The following NDUFS1 variants were observed in gnomAD, a reference collection of about 807,000 sequenced individuals.
The protein encoded by NDUFS1 is NADH:ubiquinone oxidoreductase core subunit S1.
Under a neutral mutation model 84.4 loss-of-function variants are expected in NDUFS1, and 61 were observed. The observed-to-expected ratio is 0.72, with a 90% CI of 0.59 to 0.89. The LOEUF (loss-of-function observed/expected upper bound fraction) is 0.89, where lower values mean the gene tolerates loss of function less well. Ranked by LOEUF, NDUFS1 falls within the 40% of genes least tolerant of loss-of-function variation. The pLI, the probability that NDUFS1 is intolerant of heterozygous loss-of-function variation, is 0.00. For missense variants in NDUFS1, 891 were observed against 890.0 expected, an observed-to-expected ratio of 1.00 and a Z score of -0.01; for synonymous variants, 275 against 290.0, an observed-to-expected ratio of 0.95 and a Z score of 0.53.
chr2:206,117,199 A>C lies in NDUFS1; in HGVS notation c.*6986T>G, dbSNP rs1690969864. The C allele has an allele frequency of 6.6e-6, 1 of 152,200 alleles. No homozygotes were observed. Among genetic ancestry groups the C allele is most frequent in the African/African-American group, 2.4e-5 (1 of 41,424 alleles). The allele number at this position is 152,200 out of a possible 1,614,324, so 9.4% of individuals were successfully genotyped here. A position where few individuals can be genotyped will look rare whatever the true frequency, so the allele number is the denominator to read the frequency against. ...ACAGAGTTGCCTCAATCAGTCAATCAATCAACCCATCACCCAGTCTGTGAT... is the reference window on the plus strand; with the variant it reads ...ACAGAGTTGCCTCAATCAGTCAATCCATCAACCCATCACCCAGTCTGTGAT... On this transcript the variant is annotated 3_prime_UTR_variant, in exon 19 of 19. Coordinates refer to ENST00000233190, the MANE Select transcript of NDUFS1 (RefSeq NM_005006.7).
chr2:206,144,190 C>G, intron 9 of NDUFS1, 58 bp from the exon 10 acceptor site: 1 of 1,271,242 alleles, frequency 7.9e-7, no homozygotes, highest in South Asian at 1.2e-5. Flanking sequence ...CTATAATTTT[C>G]AAGTTAAATC....
chr2:206,149,043 G>C lies in NDUFS1; in HGVS notation c.315C>G (p.Asn105Lys), dbSNP rs773634794. 1.2e-6 allele frequency: 2 copies of C among 1,612,666 alleles called. No individual in the cohort carries two copies. The highest frequency in any genetic ancestry group is 8.5e-7 in the Non-Finnish European group (1 of 1,179,350). The change falls in exon 5 of 19, where the codon AAC (asparagine) becomes AAG (lysine). Residue 105 changes from asparagine (N) to lysine (K), a missense_variant. Physicochemically the swap from Asn to Lys is moderately conservative, Grantham distance 94 (BLOSUM62 0). Coordinates refer to ENST00000233190, the MANE Select transcript of NDUFS1 (RefSeq NM_005006.7). ...PVMKGWNILT[N>K]SEKSKKAREG... ...ACCTGGCTTTTTTGGATTTTTCTGA[G>C]TTTGTTAGGATATTCCAACCCTTCA...
At chr2:206,137,889 T>C (rs1195815874) in intron 13 of NDUFS1, among the ~76,000 whole-genome samples, 1 of 152,228 alleles carries the variant, frequency 6.6e-6, no homozygotes, top group Non-Finnish European at 1.5e-5. Flanking sequence ...TGATTTCTTT[T>C]CAGATAATTT....
chr2:206,128,456 G>A (rs1008128159), intron 15 of NDUFS1, among the ~76,000 whole-genome samples: 4 of 150,548 alleles, frequency 2.7e-5, no homozygotes, highest in Admixed American at 1.3e-4. Flanking sequence ...ATGAGCCACC[G>A]CGCCCGGCCC....
chr2:206,152,369 T>C, intron 3 of NDUFS1, 50 bp downstream of exon 3: 1 of 1,418,940 alleles, frequency 7.0e-7, no homozygotes. Flanking sequence ...AAATTAGTAT[T>C]TTTAAAAAAA....
chr2:206,142,157 T>C (rs1175421398), intron 11 of NDUFS1, 88 bp from the exon 12 acceptor site: 65 of 1,208,940 alleles, frequency 5.4e-5, no homozygotes, highest in African/African-American at 7.8e-5. Flanking sequence ...ATCAAACCCA[T>C]TGCCTTCTCA....
intron 10 of NDUFS1, 82 bp from the exon 11 acceptor site, chr2:206,142,913 A>G: frequency 1.3e-6 from 2 of 1,548,760 alleles, no homozygotes; most frequent in Non-Finnish European, 1.8e-6. Context: ...ATAAAACAGT[A>G]CTTGTTTTCA....
chr2:206,128,131 C>T (rs1338890652), intron 15 of NDUFS1, among the ~76,000 whole-genome samples, 159 bp from the exon 16 acceptor site: 7 of 151,922 alleles, frequency 4.6e-5, no homozygotes, highest in African/African-American at 1.2e-4. Flanking sequence ...AATTAAAGCC[C>T]ACCTCAACCC....
rs1035889974 is a variant in NDUFS1, at chr2:206,149,934, A to C, written c.154-9T>G. Reference sequence around the variant, plus strand: ...CCAACCTTCTCACAAGCCTAGAAGTAAAAAAAAAAAAAAAAAAAAAAAAAG... The same window carrying C: ...CCAACCTTCTCACAAGCCTAGAAGTCAAAAAAAAAAAAAAAAAAAAAAAAG... On this transcript the variant is annotated splice_polypyrimidine_tract_variant and intron_variant, in intron 3 of 18. Transcript: ENST00000233190. 3 of 68,790 alleles carry C rather than the reference A, an allele frequency of 4.4e-5. No individual in the cohort carries two copies. Among genetic ancestry groups the C allele is most frequent in the Non-Finnish European group, 8.4e-5 (3 of 35,788 alleles). 4.3% of individuals were successfully genotyped at this position (68,790 alleles called of 1,614,324 possible).
At chr2:206,137,553 AACAAAAGGC>A (rs1377495054) in intron 13 of NDUFS1, among the ~76,000 whole-genome samples, 1 of 152,086 alleles carries the variant, frequency 6.6e-6, no homozygotes, top group Non-Finnish European at 1.5e-5. Flanking sequence ...CTTCTTCACT[AACAAAAGGC>A]AGTGTCTATA....
rs35336229 is a variant in NDUFS1, at chr2:206,115,546, A to AT, written c.*8638dup. On this transcript the variant is annotated 3_prime_UTR_variant, in exon 19 of 19. Coordinates refer to ENST00000233190, the MANE Select transcript of NDUFS1 (RefSeq NM_005006.7). ...TGGCCTCCAGAATTGTAAGAAGTAA[A>AT]TTTTTTTTTTTTTTAACGAAGAAGT... The AT allele has an allele frequency of 0.066, 11,185 of 168,228 alleles. 362 individuals are homozygous for AT. Among genetic ancestry groups the AT allele is most frequent in the African/African-American group, 0.12 (4,826 of 40,478 alleles). 10.4% of individuals were successfully genotyped at this position (168,228 alleles called of 1,614,324 possible). A position where few individuals can be genotyped will look rare whatever the true frequency, so the allele number is the denominator to read the frequency against.
At position 206,115,663 on chromosome 2, in the gene NDUFS1, G is replaced by C; in HGVS notation, c.*8522C>G. 2.7e-6 allele frequency: 1 copy of C among 369,484 alleles called. No individual in the cohort carries two copies. Among genetic ancestry groups the C allele is most frequent in the East Asian group, 7.8e-5 (1 of 12,838 alleles). 22.9% of individuals were successfully genotyped at this position (369,484 alleles called of 1,614,324 possible). A position where few individuals can be genotyped will look rare whatever the true frequency, so the allele number is the denominator to read the frequency against. ...TGTATTGCAAAATTAAGATAGTGTT[G>C]TTCTTCATCTGACACTGTACAAGCA... On this transcript the variant is annotated 3_prime_UTR_variant, in exon 19 of 19. Coordinates refer to ENST00000233190, the MANE Select transcript of NDUFS1 (RefSeq NM_005006.7).
intron 1 of NDUFS1, among the ~76,000 whole-genome samples, chr2:206,155,884 T>G (rs1687632620): frequency 6.7e-6 from 1 of 150,300 alleles, no homozygotes; most frequent in African/African-American, 2.5e-5. Flanking sequence ...CTTTTTGAGT[T>G]TTTTTTTTTT....
At chr2:206,133,985 A>G (rs559533471) in intron 13 of NDUFS1, among the ~76,000 whole-genome samples, 4 of 152,292 alleles carry the variant, frequency 2.6e-5, no homozygotes, top group Admixed American at 2.0e-4. Context: ...TCTCAAAAAC[A>G]AAACAAAACA....
chr2:206,132,839 G>T, intron 14 of NDUFS1, 106 bp downstream of exon 14: 1 of 1,008,308 alleles, frequency 9.9e-7, no homozygotes. Context: ...CTGGGATAAT[G>T]TTGCTAAATG....
At chr2:206,158,065 G>A (rs547479290) in intron 1 of NDUFS1, among the ~76,000 whole-genome samples, 3 of 147,182 alleles carry the variant, frequency 2.0e-5, no homozygotes, top group East Asian at 4.0e-4. Flanking sequence ...CCGGGTTCAC[G>A]CCAGCCTCCT....
chr2:206,119,981 T>C lies in NDUFS1; in HGVS notation c.*4204A>G, dbSNP rs977314022. 1.3e-5 allele frequency: 2 copies of C among 152,138 alleles called. No homozygotes were observed. The highest frequency in any genetic ancestry group is 1.3e-4 in the Admixed American group (2 of 15,256). The allele number at this position is 152,138 out of a possible 1,614,324, so 9.4% of individuals were successfully genotyped here. A position where few individuals can be genotyped will look rare whatever the true frequency, so the allele number is the denominator to read the frequency against. The stretch of plus-strand genomic sequence containing the variant: ...ATCCTTCATGAATGGCTTGGCACCA[T>C]CACCTTGGTGATGAGTGAGATCTTA... On this transcript the variant is annotated 3_prime_UTR_variant, in exon 19 of 19. Transcript: ENST00000233190.
Position 206,144,098 on chromosome 2 carries a change from T to G in NDUFS1, c.907A>C (p.Thr303Pro), listed in dbSNP as rs1575979386. 6.2e-7 allele frequency: 1 copy of G among 1,614,112 alleles called. No individual in the cohort carries two copies. Among genetic ancestry groups the G allele is most frequent in the African/African-American group, 1.3e-5 (1 of 75,070 alleles). ...AYDGLKRQRL[T>P]EPMVRNEKGL... ...TTTTCATTTCTGACCATTGGCTCGG[T>G]AAGTCTTTGACGTTTTAGCCCATCA... The change falls in exon 10 of 19, where the codon ACC (threonine) becomes CCC (proline). Residue 303 changes from threonine (T) to proline (P), a missense_variant. By Grantham distance (38) the Thr-to-Pro change is conservative (BLOSUM62 -1). Transcript: ENST00000233190.
At chr2:206,152,101 T>C (rs986729050) in intron 3 of NDUFS1, among the ~76,000 whole-genome samples, 1 of 152,112 alleles carries the variant, frequency 6.6e-6, no homozygotes, top group African/African-American at 2.4e-5. Flanking sequence ...TCCTGAATGA[T>C]CCGCCCGCCT....
Sources: gnomAD v4.1 joint callset for allele counts (sites outside exome capture counted in the v4.1 genomes callset) on GRCh38, gnomAD v4.1.1 for gene constraint, MANE v1.5 for transcripts, NCBI Gene and HGNC (gene_info 2026-07-23, HGNC 2026-07-21) for gene names.